The following ZNF700 variants were observed in gnomAD, a reference collection of about 807,000 sequenced individuals.
The protein encoded by ZNF700 is zinc finger protein 700.
Under a neutral mutation model 65.3 loss-of-function variants are expected in ZNF700, and 38 were observed. That is an observed-to-expected ratio of 0.58 (90% CI 0.45 to 0.76). The LOEUF (loss-of-function observed/expected upper bound fraction) is 0.76, where lower values mean the gene tolerates loss of function less well. ZNF700 is among the 30% of genes least tolerant of loss of function. The pLI is 0.00. For missense variants in ZNF700, 857 were observed against 888.4 expected (o/e 0.96, Z 0.45); for synonymous variants, 285 against 290.4 (o/e 0.98, Z 0.19).
chr19:11,950,164 A>G lies in ZNF700; in HGVS notation c.2140A>G (p.Asn714Asp). ...YECKECGKAF[N>D]YFSSLHIHAR... ...ATGTAAGGAATGCGGAAAAGCATTC[A>G]ATTATTTTTCTTCCTTGCATATACA... The change falls in exon 4 of 4, where the codon AAT becomes GAT. Residue 714 changes from asparagine (N) to aspartate (D), a missense_variant. Asn to Asp is a conservative substitution (Grantham distance 23). Around this residue, in one of 3 missense-constraint regions of ZNF700, gnomAD observed 251 missense variants for 250.3 expected, o/e 1.00. Transcript: ENST00000254321. 6.2e-7 allele frequency: 1 copy of G among 1,613,944 alleles called. No homozygotes were observed.
At position 11,946,872 on chromosome 19, in the gene ZNF700, T is replaced by G. The variant is rs555930139; in HGVS notation, c.64-309T>G. 10 of 306,748 alleles carry G rather than the reference T, an allele frequency of 3.3e-5. No homozygotes were observed. The East Asian group carries it at 6.7e-4, about 21-fold the overall frequency. The allele number at this position is 306,748 out of a possible 1,614,324, so 19.0% of individuals were successfully genotyped here. A position where few individuals can be genotyped will look rare whatever the true frequency, so the allele number is the denominator to read the frequency against. On this transcript the variant is annotated intron_variant, in intron 1 of 3. Transcript: ENST00000254321. The stretch of plus-strand genomic sequence containing the variant: ...AAGGTCACTCACGCGTGGTGGTACA[T>G]GCCTATAATCCCAGCTACTCGGGAG...
Position 11,948,356 on chromosome 19 carries a change from G to C in ZNF700, c.332G>C (p.Arg111Thr), listed in dbSNP as rs199519560. The change falls in exon 4 of 4, where the codon AGA becomes ACA. Residue 111 changes from arginine (R) to threonine (T), a missense_variant. Physicochemically the swap from Arg to Thr is moderately conservative, Grantham distance 71. This residue lies in a region of ZNF700 where 603 missense variants were observed against 619.9 expected (regional missense o/e 0.97). Coordinates refer to ENST00000254321, the MANE Select transcript of ZNF700 (RefSeq NM_144566.3). ...ACTTTTACCCAGGTTCCAGATGACA[G>C]ACTGAACTTCCAGGAGAAGAAAGCT... ...GETFTQVPDD[R>T]LNFQEKKASP... The C allele has an allele frequency of 1.2e-4, 186 of 1,613,872 alleles. 1 individual carries two copies. Among genetic ancestry groups the C allele is most frequent in the Non-Finnish European group, 2.3e-5 (27 of 1,179,872 alleles).
chr19:11,926,342 T>A (rs1466431113), intron 1 of ZNF700, among the ~76,000 whole-genome samples: 2 of 152,118 alleles, frequency 1.3e-5, no homozygotes, highest in African/African-American at 4.8e-5. Context: ...TTTTCAGGGT[T>A]TTTTGCGGGT....
At chr19:11,944,179 G>T (rs561753608) in intron 1 of ZNF700, among the ~76,000 whole-genome samples, 3 of 152,154 alleles carry the variant, frequency 2.0e-5, no homozygotes, top group African/African-American at 4.8e-5. Context: ...GTAATTTTTC[G>T]TAAGGCCTGT....
chr19:11,932,277 A>G lies in ZNF700; in HGVS notation c.63+7004A>G, dbSNP rs561539314. Among the ~76,000 whole-genome samples, 52 of 147,992 alleles carry G rather than the reference A, an allele frequency of 3.5e-4. 4 individuals are homozygous for G. The highest frequency in any genetic ancestry group is 6.6e-4 in the Non-Finnish European group (45 of 67,710). ...AAGGATCTGTTGAGCCTAGGAGTTC[A>G]AGGCTGCAGTGAGCTATGATTGCAC... On this transcript the variant is annotated intron_variant, in intron 1 of 3. Transcript: ENST00000254321.
Position 11,949,036 on chromosome 19 carries a change from C to A in ZNF700, c.1012C>A (p.Gln338Lys). ...TGGGAAAAAACCGTATGAATGTAAG[C>A]AATATGGGGAAGGCTTATCCTATCT... ...HSGKKPYECK[Q>K]YGEGLSYLIS... is the part of the protein sequence containing the mutation. Residue 338 changes from glutamine to lysine, a missense_variant, in exon 4 of 4, where the codon CAA (glutamine) becomes AAA (lysine). Coordinates refer to ENST00000254321, the MANE Select transcript of ZNF700 (RefSeq NM_144566.3). The A allele has an allele frequency of 6.2e-7, 1 of 1,607,294 alleles. No homozygotes were observed.
At chr19:11,932,013 G>A (rs1198204246) in intron 1 of ZNF700, among the ~76,000 whole-genome samples, 1 of 147,660 alleles carries the variant, frequency 6.8e-6, no homozygotes, top group Non-Finnish European at 1.5e-5. Context: ...TACTCAGGAG[G>A]CTGAGGCAGG....
chr19:11,941,472 C>T (rs1050197849), intron 1 of ZNF700, among the ~76,000 whole-genome samples: 5 of 152,216 alleles, frequency 3.3e-5, no homozygotes, highest in African/African-American at 9.7e-5. Context: ...GGTGAGAAAT[C>T]GAGCGCAGCA....
At position 11,948,265 on chromosome 19, in the gene ZNF700, A is replaced by T; in HGVS notation, c.252-11A>T. The T allele has an allele frequency of 6.2e-7, 1 of 1,608,456 alleles. No individual in the cohort carries two copies. The highest frequency in any genetic ancestry group is 8.5e-7 in the Non-Finnish European group (1 of 1,178,542). ...ACAAACCCTTCATGATGTGTTTCTC[A>T]TGTTTTACAGGAGTCTCATAGAAGA... On this transcript the variant is annotated splice_polypyrimidine_tract_variant and intron_variant, in intron 3 of 3. Coordinates refer to ENST00000254321, the MANE Select transcript of ZNF700 (RefSeq NM_144566.3).
At chr19:11,927,020 C>G (rs1222703466) in intron 1 of ZNF700, among the ~76,000 whole-genome samples, 4 of 152,088 alleles carry the variant, frequency 2.6e-5, no homozygotes, top group South Asian at 2.1e-4. Flanking sequence ...GGAAGGAATT[C>G]AAGACGAGTC....
At chr19:11,943,817 G>A (rs1413551564) in intron 1 of ZNF700, among the ~76,000 whole-genome samples, 1 of 152,206 alleles carries the variant, frequency 6.6e-6, no homozygotes, top group Non-Finnish European at 1.5e-5. Flanking sequence ...AAATTTTAAG[G>A]AGAATAAGTC....
rs376075 is a variant in ZNF700 at position 11,947,521 on chromosome 19, A to G, written c.198A>G (p.Lys66=). 0.027 allele frequency: 44,235 copies of G among 1,611,560 alleles called. 1,900 individuals are homozygous for G. The highest frequency in any genetic ancestry group is 0.2 in the African/African-American group (15,000 of 74,762). Residue 66 remains lysine (K), a synonymous_variant, in exon 3 of 4, where the codon AAA becomes AAG. Transcript: ENST00000254321. ...TFRNLTSIGK[K]WSDQNIEYEY... ...TCTGTGTCTGTATTTTAGGAAAAAAATGGAGTGACCAGAACATTGAATATG... is the reference window on the plus strand; with the variant it reads ...TCTGTGTCTGTATTTTAGGAAAAAAGTGGAGTGACCAGAACATTGAATATG...
At chr19:11,933,345 G>A (rs1972742712) in intron 1 of ZNF700, among the ~76,000 whole-genome samples, 1 of 148,100 alleles carries the variant, frequency 6.8e-6, no homozygotes, top group Non-Finnish European at 1.5e-5. Flanking sequence ...ATGTGAACAC[G>A]ATGAAAATTG....
intron 1 of ZNF700, among the ~76,000 whole-genome samples, chr19:11,943,507 A>T (rs951610618): frequency 6.6e-6 from 1 of 151,696 alleles, no homozygotes; most frequent in South Asian, 2.1e-4. Flanking sequence ...TGTTTTAGCT[A>T]TTTTTTTTAC....
At chr19:11,932,378 A>T (rs1045401038) in intron 1 of ZNF700, among the ~76,000 whole-genome samples, 1 of 148,316 alleles carries the variant, frequency 6.7e-6, no homozygotes, top group South Asian at 2.1e-4. Context: ...AATTAGTTTC[A>T]ATATGCTATG....
At chr19:11,945,018 A>T (rs1972938847) in intron 1 of ZNF700, among the ~76,000 whole-genome samples, 1 of 152,198 alleles carries the variant, frequency 6.6e-6, no homozygotes, top group African/African-American at 2.4e-5. Flanking sequence ...TCTTCTTTAG[A>T]ATAAGTGGGT....
intron 1 of ZNF700, among the ~76,000 whole-genome samples, chr19:11,927,422 TTAAATAAA>T (rs57120234): frequency 0.077 from 11,001 of 143,048 alleles, 781 homozygotes; most frequent in African/African-American, 0.19. Context: ...CTGTCTCTAT[TTAAATAAA>T]TAAATAAATA....
Position 11,948,703 on chromosome 19 carries a change from T to G in ZNF700, c.679T>G (p.Cys227Gly). 1 of 1,612,620 alleles carries G rather than the reference T, an allele frequency of 6.2e-7. No homozygotes were observed. The highest frequency in any genetic ancestry group is 8.5e-7 in the Non-Finnish European group (1 of 1,179,690). The change falls in exon 4 of 4, where the codon TGT becomes GGT. Residue 227 changes from cysteine (C) to glycine (G), a missense_variant. Around this residue, in one of 3 missense-constraint regions of ZNF700, gnomAD observed 603 missense variants for 619.9 expected, o/e 0.97. Coordinates refer to ENST00000254321, the MANE Select transcript of ZNF700 (RefSeq NM_144566.3). ...SGDGTYKCKF[C>G]GKAFHSFSLY... ...GGATGGAACTTATAAATGTAAATTT[T>G]GTGGGAAAGCCTTCCATTCTTTCAG...
At position 11,934,587 on chromosome 19, in the gene ZNF700, C is replaced by T. The variant is rs1005042713; in HGVS notation, c.63+9314C>T. ...TGTTTCCCTGGCTGGAGTGCAATGG[C>T]GCAATCTCAGCTCACTGCAGCCTCT... On this transcript the variant is annotated intron_variant, in intron 1 of 3. Transcript: ENST00000254321. 3.7e-4 allele frequency among the ~76,000 whole-genome samples: 54 copies of T among 147,484 alleles called. 7 individuals carry two copies. The highest frequency in any genetic ancestry group is 1.4e-3 in the African/African-American group (53 of 37,420).
Sources: allele counts gnomAD v4.1 joint callset (sites outside exome capture counted in the v4.1 genomes callset), GRCh38; gene constraint gnomAD v4.1.1; regional missense constraint gnomAD v4.1.1; transcripts MANE v1.5; gene names NCBI Gene and HGNC (gene_info 2026-07-23, HGNC 2026-07-21).